The following NTNG1 variants were observed in gnomAD, a reference collection of about 807,000 sequenced individuals.
The protein encoded by NTNG1 is netrin-G1.
NTNG1 carries 16 observed loss-of-function variants against 54.0 expected under a neutral mutation model. The ratio of observed to expected loss-of-function variants is 0.30; its 90% confidence interval spans 0.20 to 0.45. The LOEUF (loss-of-function observed/expected upper bound fraction) is 0.45, where lower values mean the gene tolerates loss of function less well. NTNG1 is among the 20% of genes least tolerant of loss of function. The probability of loss-of-function intolerance (pLI) is 1.00; values close to 1 mark genes in which losing one functional copy is unlikely to be tolerated. For missense variants in NTNG1, 530 were observed against 678.7 expected (o/e 0.78, Z 2.43); for synonymous variants, 255 against 263.1 (o/e 0.97, Z 0.30).
chr1:107,321,049 A>C (rs188260018), intron 2 of NTNG1, among the ~76,000 whole-genome samples: 1 of 152,242 alleles, frequency 6.6e-6, no homozygotes, highest in African/African-American at 2.4e-5. Context: ...AATCAGCTCA[A>C]ATGTCATGTT....
chr1:107,334,877 G>A (rs1265167673), intron 3 of NTNG1, among the ~76,000 whole-genome samples: 2 of 151,926 alleles, frequency 1.3e-5, no homozygotes, highest in Non-Finnish European at 2.9e-5. Flanking sequence ...TTCTGAGGAC[G>A]GTTTTCCCAT....
chr1:107,374,765 A>G (rs1671128089), intron 3 of NTNG1, among the ~76,000 whole-genome samples: 5 of 152,044 alleles, frequency 3.3e-5, no homozygotes, highest in Admixed American at 2.0e-4. Context: ...CTTTGATTCT[A>G]TAATAGGTAT....
At chr1:107,245,979 G>A (rs974142165) in intron 2 of NTNG1, among the ~76,000 whole-genome samples, 1 of 152,166 alleles carries the variant, frequency 6.6e-6, no homozygotes, top group Non-Finnish European at 1.5e-5. Context: ...TATATCAGCT[G>A]TAAATTTTAC....
chr1:107,304,998 G>A (rs1376368779), intron 2 of NTNG1, among the ~76,000 whole-genome samples: 1 of 152,086 alleles, frequency 6.6e-6, no homozygotes, highest in African/African-American at 2.4e-5. Flanking sequence ...TTGCTTTTCT[G>A]TTCCTGTGTT....
At chr1:107,365,259 A>T (rs1670524791) in intron 3 of NTNG1, among the ~76,000 whole-genome samples, 1 of 152,094 alleles carries the variant, frequency 6.6e-6, no homozygotes, top group South Asian at 2.1e-4. Flanking sequence ...CAACTCTGAG[A>T]TATTGTCTTT....
chr1:107,220,584 A>G (rs923074713), intron 2 of NTNG1, among the ~76,000 whole-genome samples: 1 of 152,200 alleles, frequency 6.6e-6, no homozygotes, highest in African/African-American at 2.4e-5. Context: ...CCAGATCCTA[A>G]CTCCACTACT....
chr1:107,425,518 C>A (rs1055878760), intron 5 of NTNG1, among the ~76,000 whole-genome samples: 1 of 152,078 alleles, frequency 6.6e-6, no homozygotes, highest in Non-Finnish European at 1.5e-5. Context: ...TGATTTAATT[C>A]TTTCTTATGT....
intron 2 of NTNG1, among the ~76,000 whole-genome samples, chr1:107,219,777 G>A (rs535855340): frequency 1.3e-5 from 2 of 152,334 alleles, no homozygotes; most frequent in South Asian, 2.1e-4. Flanking sequence ...ATGGATACCA[G>A]CACCTACTTG....
At chr1:107,275,500 G>A (rs978550739) in intron 2 of NTNG1, among the ~76,000 whole-genome samples, 3 of 152,200 alleles carry the variant, frequency 2.0e-5, no homozygotes, top group Non-Finnish European at 4.4e-5. Flanking sequence ...ACCCAGGAGA[G>A]GCAATGTGTA....
chr1:107,192,432 G>A (rs12143368), intron 2 of NTNG1, among the ~76,000 whole-genome samples: 9,723 of 152,012 alleles, frequency 0.064, 413 homozygotes, highest in African/African-American at 0.12. Context: ...CAGTTCTAAT[G>A]TGTCTCACTA....
chr1:107,282,127 A>G (rs1325853099), intron 2 of NTNG1, among the ~76,000 whole-genome samples: 8 of 152,176 alleles, frequency 5.3e-5, no homozygotes, highest in Non-Finnish European at 4.4e-5. Flanking sequence ...ACAATAGGGG[A>G]AGTTTCAATC....
chr1:107,326,409 A>C (rs1176146555), intron 3 of NTNG1, among the ~76,000 whole-genome samples: 1 of 152,156 alleles, frequency 6.6e-6, no homozygotes, highest in Non-Finnish European at 1.5e-5. Context: ...TGTTGTCTTA[A>C]ACATAAGTTT....
At chr1:107,367,745 T>G (rs970303326) in intron 3 of NTNG1, among the ~76,000 whole-genome samples, 1 of 152,050 alleles carries the variant, frequency 6.6e-6, no homozygotes, top group African/African-American at 2.4e-5. Flanking sequence ...TTGGTTTTGT[T>G]TCTGTTTTTT....
In NTNG1 at chr1:107,387,042, A is replaced by G. The variant is rs72987504; in HGVS notation, c.888-8112A>G. On this transcript the variant is annotated intron_variant, in intron 3 of 7. Transcript: ENST00000370068. The stretch of plus-strand genomic sequence containing the variant: ...TCGTGTGCTTATTGGCTATTTGTAT[A>G]TCGTCTTCTTAAAATATCTATTCAG... 9.1e-3 allele frequency among the ~76,000 whole-genome samples: 1,387 copies of G among 152,322 alleles called. 24 individuals carry two copies. Among genetic ancestry groups the G allele is most frequent in the African/African-American group, 0.032 (1,322 of 41,566 alleles).
At chr1:107,383,295 T>G (rs1409158029) in intron 3 of NTNG1, among the ~76,000 whole-genome samples, 4 of 152,266 alleles carry the variant, frequency 2.6e-5, no homozygotes, top group Non-Finnish European at 4.4e-5. Context: ...TCTGTGGCTT[T>G]GCAAAACCCA....
At chr1:107,386,572 T>C (rs1220022664) in intron 3 of NTNG1, among the ~76,000 whole-genome samples, 1 of 152,232 alleles carries the variant, frequency 6.6e-6, no homozygotes, top group Non-Finnish European at 1.5e-5. Flanking sequence ...AGTACTTCAT[T>C]CTTTTTTATG....
intron 7 of NTNG1, among the ~76,000 whole-genome samples, chr1:107,480,100 C>G (rs766233538): frequency 6.6e-6 from 1 of 152,000 alleles, no homozygotes; most frequent in Non-Finnish European, 1.5e-5. Flanking sequence ...CCCCATGCCT[C>G]CCGGTGGGTT....
At chr1:107,145,329 G>A (rs1654026120) in intron 1 of NTNG1, among the ~76,000 whole-genome samples, 1 of 151,962 alleles carries the variant, frequency 6.6e-6, no homozygotes, top group African/African-American at 2.4e-5. Flanking sequence ...GTGTGTCATG[G>A]AAGTTCATAG....
Position 107,425,597 on chromosome 1 carries a change from TG to T in NTNG1, c.1088-5151del, listed in dbSNP as rs558284505. Among the ~76,000 whole-genome samples, 3 of 152,280 alleles carry T rather than the reference TG, an allele frequency of 2.0e-5. No individual in the cohort carries two copies. The East Asian group carries it at 5.8e-4, about 29-fold the overall frequency. On this transcript the variant is annotated intron_variant, in intron 5 of 7. Transcript: ENST00000370068. ...ATCAACCATTGGTGGACACTTAGGATGGTTTCATGACTTTGCTATCATACAT... is the reference window on the plus strand; with the variant it reads ...ATCAACCATTGGTGGACACTTAGGATGTTTCATGACTTTGCTATCATACAT...
Sources: allele counts gnomAD v4.1 joint callset (sites outside exome capture counted in the v4.1 genomes callset), GRCh38; gene constraint gnomAD v4.1.1; transcripts MANE v1.5; gene names NCBI Gene and HGNC (gene_info 2026-07-23, HGNC 2026-07-21).